Variants in SCRIB observed in about 807,000 individuals in gnomAD.
SCRIB encodes the protein scribble planar cell polarity protein, also known as protein scribble homolog.
A neutral mutation model predicts 170.0 loss-of-function variants in SCRIB; 72 were observed. The observed-to-expected ratio is 0.42, with a 90% CI of 0.35 to 0.52. The LOEUF (loss-of-function observed/expected upper bound fraction) is 0.52. SCRIB is among the 20% of genes least tolerant of loss of function. The probability of loss-of-function intolerance (pLI) is 0.02; values close to 1 mark genes in which losing one functional copy is unlikely to be tolerated. For missense variants in SCRIB, 2,475 were observed against 2,338.5 expected (o/e 1.06, Z -1.20); for synonymous variants, 1,298 against 1,044.3 (o/e 1.24, Z -4.68).
chr8:143,795,601 T>TG, intron 24 of SCRIB, 71 bp from the exon 25 acceptor site: 3 of 1,306,044 alleles, frequency 2.3e-6, no homozygotes, highest in Non-Finnish European at 3.3e-6. Context: ...CAGGCTGGGG[T>TG]CCCAGCCCAG....
In SCRIB at chr8:143,804,967, C is replaced by T. The variant is rs782679985; in HGVS notation, c.2718G>A (p.Ala906=). The T allele has an allele frequency of 2.0e-5, 31 of 1,579,622 alleles. No individual in the cohort carries two copies. Among genetic ancestry groups the T allele is most frequent in the Middle Eastern group, 4.0e-4 (2 of 5,062 alleles). The change falls in exon 20 of 37, where the codon GCG becomes GCA. Residue 906 remains alanine (A), a synonymous_variant. Coordinates refer to ENST00000356994, the MANE Select transcript of SCRIB (RefSeq NM_182706.5). ...RIAEGGAAHR[A]GTLQVGDRVL... ...CGCGGTCGCCAACCTGCAGTGTGCCCGCGCGGTGAGCAGCACCGCCCTCGG... is the reference window on the plus strand; with the variant it reads ...CGCGGTCGCCAACCTGCAGTGTGCCTGCGCGGTGAGCAGCACCGCCCTCGG...
At chr8:143,804,231 C>T (rs781944212) in intron 21 of SCRIB, 75 bp from the exon 22 acceptor site, 76 of 1,119,156 alleles carry the variant, frequency 6.8e-5, no homozygotes, top group Middle Eastern at 4.2e-4. Context: ...CCCAAGAGTC[C>T]GTCCCGGTCC....
chr8:143,815,005 C>A, intron 1 of SCRIB: 1 of 542,120 alleles, frequency 1.8e-6, no homozygotes, highest in Non-Finnish European at 3.1e-6. Context: ...CAATCGCTAT[C>A]CCCAGGCAAG....
chr8:143,794,653 A>G, intron 27 of SCRIB, among the ~76,000 whole-genome samples: 1 of 151,234 alleles, frequency 6.6e-6, no homozygotes, highest in Non-Finnish European at 1.5e-5. Flanking sequence ...CCGCCCCTCC[A>G]GCTGCTCCAG....
chr8:143,813,363 A>G lies in SCRIB; in HGVS notation c.515T>C (p.Phe172Ser). 6.2e-7 allele frequency: 1 copy of G among 1,613,566 alleles called. No individual in the cohort carries two copies. Among genetic ancestry groups the G allele is most frequent in the Non-Finnish European group, 8.5e-7 (1 of 1,180,016 alleles). ...LLKSLPASLS[F>S]LVKLEQLDLG... ...ATCCAGCTGTTCCAGCTTGACCAGA[A>G]ATGACAGGGACCTGCAGAGGAAGCA... Residue 172 changes from phenylalanine to serine, a missense_variant, in exon 6 of 37, where the codon TTT becomes TCT. By Grantham distance (155) the Phe-to-Ser change is radical. Transcript: ENST00000356994.
chr8:143,805,423 C>T lies in SCRIB; in HGVS notation c.2359G>A (p.Ala787Thr). ...TCGTGGTGCTCGGCGCCCTGCAGAG[C>T]CACACCATTCACCTGCGGGCCAGGG... Reference protein sequence around the residue: ...GDKLLEVNGVALQGAEHHEAV... With the variant: ...GDKLLEVNGVTLQGAEHHEAV... The change falls in exon 19 of 37, where the codon GCT becomes ACT. Residue 787 changes from alanine (A) to threonine (T), a missense_variant. By Grantham distance (58) the Ala-to-Thr change is moderately conservative. Transcript: ENST00000356994. 6.6e-7 allele frequency: 1 copy of T among 1,505,720 alleles called. No homozygotes were observed. Among genetic ancestry groups the T allele is most frequent in the South Asian group, 1.3e-5 (1 of 79,936 alleles). The allele number at this position is 1,505,720 out of a possible 1,614,324, so 93.3% of individuals were successfully genotyped here. A position where few individuals can be genotyped will look rare whatever the true frequency, so the allele number is the denominator to read the frequency against.
At chr8:143,793,649 C>T in intron 28 of SCRIB, 1 of 479,042 alleles carries the variant, frequency 2.1e-6, no homozygotes, top group Non-Finnish European at 3.7e-6. Context: ...ACTGGGGTCT[C>T]AGGAGCTTGA....
At chr8:143,802,644 T>C (rs1815222266) in intron 24 of SCRIB, among the ~76,000 whole-genome samples, 1 of 152,188 alleles carries the variant, frequency 6.6e-6, no homozygotes, top group African/African-American at 2.4e-5. Flanking sequence ...CTGGCGCCAG[T>C]GAAGAACCCC....
Position 143,815,448 on chromosome 8 carries a change from T to C in SCRIB, c.-76A>G. 4 of 1,108,660 alleles carry C rather than the reference T, an allele frequency of 3.6e-6. No homozygotes were observed. Among genetic ancestry groups the C allele is most frequent in the Non-Finnish European group, 4.4e-6 (4 of 910,262 alleles). 68.7% of individuals were successfully genotyped at this position (1,108,660 alleles called of 1,614,324 possible). A position where few individuals can be genotyped will look rare whatever the true frequency, so the allele number is the denominator to read the frequency against. ...GCCGGGGGGCGGGGCTCAGTCCGCATGGGCGCCGCGCATGGGGAGGGGGCG... is the reference window on the plus strand; with the variant it reads ...GCCGGGGGGCGGGGCTCAGTCCGCACGGGCGCCGCGCATGGGGAGGGGGCG... On this transcript the variant is annotated 5_prime_UTR_variant, in exon 1 of 37. An upstream start codon of the reference 5' UTR is lost. Coordinates refer to ENST00000356994, the MANE Select transcript of SCRIB (RefSeq NM_182706.5).
Position 143,807,610 on chromosome 8 carries a change from A to C in SCRIB, c.2120T>G (p.Val707Gly). The C allele has an allele frequency of 1.2e-6, 2 of 1,613,276 alleles. No individual in the cohort carries two copies. The highest frequency in any genetic ancestry group is 1.7e-6 in the Non-Finnish European group (2 of 1,179,686). The stretch of plus-strand genomic sequence containing the variant: ...CAGGTTATTGGCCTGGTCAAACGAC[A>C]CTCCCTGTTAGGACAGGACCAGTGA... ...AVVSAPSVKG[V>G]SFDQANNLLI... Residue 707 changes from valine (V) to glycine (G), a missense_variant, in exon 16 of 37, where the codon GTG (valine) becomes GGG (glycine). This residue lies in a region of SCRIB where 1,966 missense variants were observed against 1,742.9 expected (regional missense o/e 1.13). Transcript: ENST00000356994.
In SCRIB at chr8:143,791,173, A is replaced by C. The variant is rs1820060977; in HGVS notation, c.4958T>G (p.Val1653Gly). The C allele has an allele frequency of 7.0e-7, 1 of 1,430,038 alleles. No individual in the cohort carries two copies. Among genetic ancestry groups the C allele is most frequent in the Non-Finnish European group, 9.2e-7 (1 of 1,090,432 alleles). 88.6% of individuals were successfully genotyped at this position (1,430,038 alleles called of 1,614,324 possible). ...GAGGTGCCTGCTCCTCTAGGAGGGC[A>C]CAGGGCCCAGGCCACGGCGCCCAGG... ...VRPGRRGLGP[V>G]PS is the part of the protein sequence containing the mutation. The change falls in exon 37 of 37, where the codon GTG becomes GGG. Residue 1653 changes from valine to glycine, a missense_variant. By Grantham distance (109) the Val-to-Gly change is moderately radical (BLOSUM62 -3). Around this residue, in one of 3 missense-constraint regions of SCRIB, gnomAD observed 22 missense variants for 37.5 expected, o/e 0.59. Coordinates refer to ENST00000356994, the MANE Select transcript of SCRIB (RefSeq NM_182706.5).
rs1554632411 is a variant in SCRIB at position 143,791,028 on chromosome 8, A to G, written c.*135T>C. 2 of 890,506 alleles carry G rather than the reference A, an allele frequency of 2.2e-6. No individual in the cohort carries two copies. The highest frequency in any genetic ancestry group is 3.5e-5 in the African/African-American group (2 of 57,278). The allele number at this position is 890,506 out of a possible 1,614,324, so 55.2% of individuals were successfully genotyped here. The stretch of plus-strand genomic sequence containing the variant: ...GCCGAGGTCTCGGCTGGGGTGGGGC[A>G]GTTAGTTAGTCACAGGCCAGAACTC... On this transcript the variant is annotated 3_prime_UTR_variant, in exon 37 of 37. Coordinates refer to ENST00000356994, the MANE Select transcript of SCRIB (RefSeq NM_182706.5).
chr8:143,798,999 T>C (rs1815061144), intron 24 of SCRIB, among the ~76,000 whole-genome samples: 1 of 152,218 alleles, frequency 6.6e-6, no homozygotes, highest in Non-Finnish European at 1.5e-5. Context: ...AAGGGAACGC[T>C]GTGTTGAAAC....
chr8:143,809,462 A>T, intron 14 of SCRIB, 89 bp downstream of exon 14: 1 of 1,443,470 alleles, frequency 6.9e-7, no homozygotes, highest in Non-Finnish European at 9.5e-7. Flanking sequence ...CACTGCCTGC[A>T]CCAAAACCGA....
At chr8:143,799,546 TCAGA>T (rs782184628) in intron 24 of SCRIB, among the ~76,000 whole-genome samples, 11 of 152,178 alleles carry the variant, frequency 7.2e-5, no homozygotes, top group South Asian at 2.1e-4. Context: ...GGCGAGTCTC[TCAGA>T]CAGCGCACAC....
rs1338028640 is a variant in SCRIB at position 143,810,474 on chromosome 8, C to T, written c.1530+5G>A. On this transcript the variant is annotated splice_donor_5th_base_variant and intron_variant, in intron 13 of 36. Coordinates refer to ENST00000356994, the MANE Select transcript of SCRIB (RefSeq NM_182706.5). ...CCCGCCAGGTTGCCGTGGCTCCATG[C>T]CCACCTCCTCTGCAGGCAAGGGCGA... 1.2e-6 allele frequency: 2 copies of T among 1,605,950 alleles called. No individual in the cohort carries two copies. Among genetic ancestry groups the T allele is most frequent in the Non-Finnish European group, 1.7e-6 (2 of 1,179,492 alleles).
At position 143,809,648 on chromosome 8, in the gene SCRIB, G is replaced by A. The variant is rs891802852; in HGVS notation, c.1601C>T (p.Ala534Val). The change falls in exon 14 of 37, where the codon GCT becomes GTT. Residue 534 changes from alanine (A) to valine (V), a missense_variant. By Grantham distance (64) the Ala-to-Val change is moderately conservative. Transcript: ENST00000356994. ...SRPSASTVSEAEPEGPSAEAQ... is the reference protein window; with the variant it reads ...SRPSASTVSEVEPEGPSAEAQ... ...CTCAGCCGACGGGCCCTCGGGCTCA[G>A]CCTCAGAGACTGTGCTGGCAGATGG... 2 of 1,611,350 alleles carry A rather than the reference G, an allele frequency of 1.2e-6. No individual in the cohort carries two copies. The highest frequency in any genetic ancestry group is 1.7e-6 in the Non-Finnish European group (2 of 1,179,936).
chr8:143,812,478 GC>G, intron 8 of SCRIB, 94 bp from the exon 9 acceptor site: 2 of 924,562 alleles, frequency 2.2e-6, no homozygotes, highest in Non-Finnish European at 1.8e-6. Context: ...AGACAGCAAG[GC>G]CCCCAGCCCC....
Position 143,813,826 on chromosome 8 carries a change from G to A in SCRIB, c.348C>T (p.Pro116=), listed in dbSNP as rs756718239. ...CACAGGCTGCCACCCACCTGGAGAG[G>A]GGGTTCCCGCTGAAGTCCGCGATCT... is the stretch of plus-strand genomic sequence containing the variant. ...ALEIADFSGN[P]LSRLPDGFTQ... Residue 116 remains proline (P), a synonymous_variant, in exon 3 of 37, where the codon CCC becomes CCT. Coordinates refer to ENST00000356994, the MANE Select transcript of SCRIB (RefSeq NM_182706.5). 1.2e-5 allele frequency: 19 copies of A among 1,609,388 alleles called. No individual in the cohort carries two copies. Among genetic ancestry groups the A allele is most frequent in the African/African-American group, 4.0e-5 (3 of 74,992 alleles).
Sources: allele counts gnomAD v4.1 joint callset (sites outside exome capture counted in the v4.1 genomes callset), GRCh38; gene constraint gnomAD v4.1.1; regional missense constraint gnomAD v4.1.1; transcripts MANE v1.5; gene names NCBI Gene and HGNC (gene_info 2026-07-23, HGNC 2026-07-21).